The following HSF5 variants were observed in gnomAD, a reference collection of about 807,000 sequenced individuals.
The protein encoded by HSF5 is heat shock transcription factor 5, also known as heat shock factor protein 5.
Under a neutral mutation model 50.8 loss-of-function variants are expected in HSF5, and 5 were observed. The observed-to-expected ratio is 0.10, with a 90% CI of 0.05 to 0.21. HSF5 has a LOEUF of 0.21. Among genes scored for constraint, HSF5 ranks in the 10% least tolerant of loss-of-function variants. The pLI is 1.00. For missense variants in HSF5, 564 were observed against 762.6 expected, an observed-to-expected ratio of 0.74 and a Z score of 3.07; for synonymous variants, 307 against 307.4, an observed-to-expected ratio of 1.00 and a Z score of 0.02.
intron 5 of HSF5, among the ~76,000 whole-genome samples, chr17:58,453,895 C>T (rs898334750): frequency 6.6e-6 from 1 of 152,000 alleles, no homozygotes; most frequent in Non-Finnish European, 1.5e-5. Flanking sequence ...TCGAGACCAG[C>T]CTGGCCAACA....
chr17:58,435,150 G>A (rs1248948012), intron 5 of HSF5, among the ~76,000 whole-genome samples: 1 of 152,208 alleles, frequency 6.6e-6, no homozygotes, highest in Non-Finnish European at 1.5e-5. Context: ...GTTGGAAACG[G>A]AGCAGAGAGG....
chr17:58,440,479 G>A lies in HSF5; in HGVS notation c.1721-18049C>T, dbSNP rs901348999. On this transcript the variant is annotated intron_variant, in intron 5 of 5. Transcript: ENST00000323777. ...TGCCTGGTAGAAACAAATCTTATTTGAGGAAGATAATGTCATCCTAGGCCT... is the reference window on the plus strand; with the variant it reads ...TGCCTGGTAGAAACAAATCTTATTTAAGGAAGATAATGTCATCCTAGGCCT... 2.6e-5 allele frequency among the ~76,000 whole-genome samples: 4 copies of A among 152,106 alleles called. No homozygotes were observed. In the East Asian group the frequency reaches 7.7e-4, roughly 29 times the overall value.
At chr17:58,485,860 A>G (rs1379015645) in intron 1 of HSF5, among the ~76,000 whole-genome samples, 1 of 152,046 alleles carries the variant, frequency 6.6e-6, no homozygotes, top group Non-Finnish European at 1.5e-5. Context: ...TGAGGTCAGG[A>G]GTTCAAAACC....
chr17:58,483,115 C>T (rs1202962015), intron 1 of HSF5, among the ~76,000 whole-genome samples: 1 of 39,098 alleles, frequency 2.6e-5, no homozygotes. Flanking sequence ...GGGATGCTCG[C>T]AGTCAACACT....
intron 4 of HSF5, among the ~76,000 whole-genome samples, chr17:58,461,577 G>T (rs1275507162): frequency 1.3e-5 from 2 of 152,050 alleles, no homozygotes; most frequent in Admixed American, 1.3e-4. Flanking sequence ...CACAAAAAAA[G>T]ATTTTAATTT....
intron 5 of HSF5, among the ~76,000 whole-genome samples, chr17:58,425,196 C>T (rs898870805): frequency 4.6e-5 from 7 of 151,836 alleles, no homozygotes; most frequent in Admixed American, 1.3e-4. Flanking sequence ...GTCAGGAGTT[C>T]GAGACCAGCC....
At chr17:58,481,379 G>C (rs1300740599) in intron 1 of HSF5, among the ~76,000 whole-genome samples, 2 of 152,208 alleles carry the variant, frequency 1.3e-5, no homozygotes, top group Admixed American at 1.3e-4. Context: ...ATAAGGAAGA[G>C]AGAGAAAGGG....
intron 5 of HSF5, among the ~76,000 whole-genome samples, chr17:58,454,568 T>C (rs903369029): frequency 6.6e-6 from 1 of 152,210 alleles, no homozygotes; most frequent in African/African-American, 2.4e-5. Context: ...GATGGCATGA[T>C]CATATACATA....
chr17:58,469,657 T>C (rs1974919399), intron 2 of HSF5, among the ~76,000 whole-genome samples: 1 of 152,192 alleles, frequency 6.6e-6, no homozygotes, highest in African/African-American at 2.4e-5. Flanking sequence ...GAAAAAATAA[T>C]CAACTGTGCA....
chr17:58,432,686 T>C (rs896799134), intron 5 of HSF5, among the ~76,000 whole-genome samples: 1 of 151,828 alleles, frequency 6.6e-6, no homozygotes, highest in African/African-American at 2.4e-5. Context: ...TTCTTCTACA[T>C]ATATATATAT....
intron 1 of HSF5, among the ~76,000 whole-genome samples, chr17:58,480,928 T>C (rs1350362710): frequency 1.3e-5 from 2 of 152,108 alleles, no homozygotes; most frequent in African/African-American, 4.8e-5. Context: ...GCTGGAACTA[T>C]AGGTGCACAT....
rs139818123 is a variant in HSF5 at position 58,423,570 on chromosome 17, C to T, written c.1721-1140G>A. Among the ~76,000 whole-genome samples the T allele has an allele frequency of 6.7e-3, 1,003 of 150,150 alleles. 8 individuals are homozygous for T. The highest frequency in any genetic ancestry group is 0.023 in the African/African-American group (939 of 40,808). Reference sequence around the variant, plus strand: ...TCTCAGCTCATAGCAAACTCCGCCTCCCGGGTTCATGCGATTCTCCTGCCT... The same window carrying T: ...TCTCAGCTCATAGCAAACTCCGCCTTCCGGGTTCATGCGATTCTCCTGCCT... On this transcript the variant is annotated intron_variant, in intron 5 of 5. Transcript: ENST00000323777.
chr17:58,425,174 A>T (rs1019310208), intron 5 of HSF5, among the ~76,000 whole-genome samples: 1 of 152,056 alleles, frequency 6.6e-6, no homozygotes, highest in Non-Finnish European at 1.5e-5. Context: ...TGAGGCGGGC[A>T]GCTCACCCAA....
At chr17:58,463,442 T>C (rs968617794) in intron 3 of HSF5, 139 bp from the exon 4 acceptor site, 2 of 684,578 alleles carry the variant, frequency 2.9e-6, no homozygotes, top group African/African-American at 3.6e-5. Context: ...TAGACACTAA[T>C]CTACTTTTCA....
intron 5 of HSF5, among the ~76,000 whole-genome samples, chr17:58,423,626 C>T (rs375726779): frequency 2.0e-5 from 3 of 151,936 alleles, no homozygotes; most frequent in East Asian, 3.9e-4. Flanking sequence ...ATTACAGGCG[C>T]ACACCACCAT....
intron 5 of HSF5, among the ~76,000 whole-genome samples, chr17:58,445,810 G>A (rs1452067900): frequency 2.6e-5 from 4 of 152,140 alleles, no homozygotes; most frequent in African/African-American, 9.7e-5. Context: ...TTCAAACAAT[G>A]TGAATATACT....
At chr17:58,442,794 G>C (rs960082956) in intron 5 of HSF5, among the ~76,000 whole-genome samples, 8 of 152,126 alleles carry the variant, frequency 5.3e-5, no homozygotes, top group Admixed American at 2.0e-4. Context: ...CTGGAGTGCA[G>C]TGGTGCCATC....
chr17:58,428,761 G>A (rs915709328), intron 5 of HSF5, among the ~76,000 whole-genome samples: 1 of 152,186 alleles, frequency 6.6e-6, no homozygotes, highest in Non-Finnish European at 1.5e-5. Context: ...CGAGGATGTA[G>A]AGAAACTGGA....
At chr17:58,455,873 T>C (rs1373195292) in intron 5 of HSF5, among the ~76,000 whole-genome samples, 3 of 152,056 alleles carry the variant, frequency 2.0e-5, no homozygotes, top group Non-Finnish European at 2.9e-5. Flanking sequence ...AACTCTTATA[T>C]GCTATTTGTA....
Sources: allele counts gnomAD v4.1 joint callset (sites outside exome capture counted in the v4.1 genomes callset), GRCh38; gene constraint gnomAD v4.1.1; transcripts MANE v1.5; gene names NCBI Gene and HGNC (gene_info 2026-07-23, HGNC 2026-07-21).